INVS: variants seen among roughly 807,000 people sequenced by gnomAD.
INVS encodes the protein inversion of embryo turning homolog.
A neutral mutation model predicts 108.8 loss-of-function variants in INVS; 86 were observed. That is an observed-to-expected ratio of 0.79 (90% CI 0.66 to 0.95). The LOEUF is 0.95. INVS is among the 40% of genes least tolerant of loss of function. The probability of loss-of-function intolerance (pLI) is 0.00; values close to 1 mark genes in which losing one functional copy is unlikely to be tolerated. For missense variants in INVS, 1,169 were observed against 1,297.4 expected (o/e 0.90, Z 1.52); for synonymous variants, 455 against 473.5 (o/e 0.96, Z 0.51).
chr9:100,255,883 G>A (rs1009753078), intron 10 of INVS, among the ~76,000 whole-genome samples: 3 of 152,120 alleles, frequency 2.0e-5, no homozygotes, highest in Admixed American at 6.5e-5. Flanking sequence ...CTCTTTTTTT[G>A]TTGTGTCTCT....
chr9:100,109,264 A>G (rs1321053742), intron 2 of INVS, among the ~76,000 whole-genome samples: 3 of 152,242 alleles, frequency 2.0e-5, no homozygotes, highest in African/African-American at 7.2e-5. Flanking sequence ...ATAGATTATA[A>G]TATTTCACTT....
At chr9:100,181,553 A>G (rs1162739375) in intron 3 of INVS, among the ~76,000 whole-genome samples, 1 of 152,132 alleles carries the variant, frequency 6.6e-6, no homozygotes, top group Non-Finnish European at 1.5e-5. Context: ...GAATACAACT[A>G]TCAAGTGATG....
intron 10 of INVS, 38 bp from the exon 11 acceptor site, chr9:100,264,780 ATACT>A: frequency 2.3e-6 from 3 of 1,326,954 alleles, no homozygotes; most frequent in South Asian, 1.2e-5. Context: ...ATATCCAAAA[ATACT>A]TACTCCAGAT....
At position 100,296,963 on chromosome 9, in the gene INVS, C is replaced by T; in HGVS notation, c.2833C>T (p.Leu945Phe). 6.2e-7 allele frequency: 1 copy of T among 1,614,100 alleles called. No homozygotes were observed. Among genetic ancestry groups the T allele is most frequent in the South Asian group, 1.1e-5 (1 of 91,074 alleles). The change falls in exon 15 of 17, where the codon CTT (leucine) becomes TTT (phenylalanine). Residue 945 changes from leucine (L) to phenylalanine (F), a missense_variant. By Grantham distance (22) the Leu-to-Phe change is conservative (BLOSUM62 0). Around this residue, in one of 3 missense-constraint regions of INVS, gnomAD observed 533 missense variants for 536.0 expected, o/e 0.99. Coordinates refer to ENST00000262457, the MANE Select transcript of INVS (RefSeq NM_014425.5). ...GTCCCACCTTCGGCATATGAAGCAG[C>T]TTGGAGCTGGAGATGTGGACAGATG... The part of the protein sequence containing the change: ...HLSHLRHMKQ[L>F]GAGDVDRWRQ...
intron 13 of INVS, among the ~76,000 whole-genome samples, chr9:100,286,654 T>G (rs1452656915): frequency 6.6e-6 from 1 of 152,212 alleles, no homozygotes; most frequent in East Asian, 1.9e-4. Context: ...ACATATTCAT[T>G]CATTTATTCA....
At chr9:100,116,484 G>A (rs1213227300) in intron 2 of INVS, among the ~76,000 whole-genome samples, 1 of 152,142 alleles carries the variant, frequency 6.6e-6, no homozygotes, top group Admixed American at 6.5e-5. Context: ...TATCAAATAT[G>A]TGTTTTGCAA....
intron 3 of INVS, among the ~76,000 whole-genome samples, chr9:100,195,736 C>A (rs1830354071): frequency 1.3e-5 from 2 of 152,116 alleles, no homozygotes; most frequent in Non-Finnish European, 2.9e-5. Context: ...GATCTGCCCT[C>A]CTTGGCCTCC....
intron 4 of INVS, 38 bp from the exon 5 acceptor site, chr9:100,229,622 G>A: frequency 6.3e-7 from 1 of 1,597,332 alleles, no homozygotes; most frequent in Non-Finnish European, 8.6e-7. Flanking sequence ...AAAGTTAGTT[G>A]TTACTGTTGT....
intron 3 of INVS, among the ~76,000 whole-genome samples, chr9:100,218,832 C>G (rs1831061901): frequency 1.3e-5 from 2 of 152,156 alleles, no homozygotes; most frequent in African/African-American, 4.8e-5. Flanking sequence ...CACTAGCTCA[C>G]TGTTAATAAT....
chr9:100,241,094 AT>A (rs1831855991), intron 6 of INVS, among the ~76,000 whole-genome samples: 1 of 152,032 alleles, frequency 6.6e-6, no homozygotes, highest in Non-Finnish European at 1.5e-5. Flanking sequence ...GTAATCTGAG[AT>A]TTCCCCCTAA....
At chr9:100,295,995 G>A (rs752828450) in intron 14 of INVS, among the ~76,000 whole-genome samples, 1 of 152,226 alleles carries the variant, frequency 6.6e-6, no homozygotes, top group Non-Finnish European at 1.5e-5. Flanking sequence ...AGAAGGAAGA[G>A]TAGTGTAGGC....
At chr9:100,131,776 A>G in intron 3 of INVS, 1 of 316,096 alleles carries the variant, frequency 3.2e-6, no homozygotes, top group Non-Finnish European at 4.6e-6. Flanking sequence ...AAACACAAAA[A>G]TTAAAGAACC....
At chr9:100,160,689 TC>T (rs35124476) in intron 3 of INVS, among the ~76,000 whole-genome samples, 31,863 of 152,046 alleles carry the variant, frequency 0.21, 5,671 homozygotes, top group African/African-American at 0.49. Flanking sequence ...TTTGTTAATT[TC>T]CCCGTTGTTA....
intron 13 of INVS, among the ~76,000 whole-genome samples, chr9:100,287,638 C>T (rs1237086287): frequency 3.3e-5 from 5 of 152,166 alleles, no homozygotes; most frequent in Admixed American, 6.5e-5. Flanking sequence ...CTTCCCCGCT[C>T]GCTCATGCTC....
At chr9:100,208,899 C>A (rs1429214503) in intron 3 of INVS, among the ~76,000 whole-genome samples, 3 of 152,110 alleles carry the variant, frequency 2.0e-5, no homozygotes, top group African/African-American at 4.8e-5. Flanking sequence ...ATGATGGTAT[C>A]TGAGAAAGAA....
At chr9:100,252,256 C>G in intron 8 of INVS, 27 bp from the exon 9 acceptor site, 1 of 1,612,548 alleles carries the variant, frequency 6.2e-7, no homozygotes, top group Non-Finnish European at 8.5e-7. Context: ...TTGACTAGTT[C>G]ATCACTTTCT....
At chr9:100,183,794 GAAAAAAAAAA>G in intron 3 of INVS, among the ~76,000 whole-genome samples, 1 of 68,716 alleles carries the variant, frequency 1.5e-5, no homozygotes, top group East Asian at 4.9e-4. Flanking sequence ...CTGTTTCAGG[GAAAAAAAAAA>G]AAAAAAAAAA....
chr9:100,171,507 A>G (rs1298692451), intron 3 of INVS, among the ~76,000 whole-genome samples: 1 of 152,174 alleles, frequency 6.6e-6, no homozygotes, highest in East Asian at 1.9e-4. Context: ...CTCAATATGT[A>G]TGTATTATTG....
intron 2 of INVS, among the ~76,000 whole-genome samples, chr9:100,105,324 C>T (rs763065878): frequency 2.0e-5 from 3 of 152,112 alleles, no homozygotes; most frequent in Non-Finnish European, 4.4e-5. Flanking sequence ...CTGTTCCTTC[C>T]GACTTTGTTT....
Sources: allele counts gnomAD v4.1 joint callset (sites outside exome capture counted in the v4.1 genomes callset), GRCh38; gene constraint gnomAD v4.1.1; regional missense constraint gnomAD v4.1.1; transcripts MANE v1.5; gene names NCBI Gene and HGNC (gene_info 2026-07-23, HGNC 2026-07-21).